The following THEM4 variants were observed in gnomAD, a reference collection of about 807,000 sequenced individuals.
THEM4 encodes the protein thioesterase superfamily member 4, also known as acyl-coenzyme A thioesterase THEM4.
A neutral mutation model predicts 25.0 loss-of-function variants in THEM4; 22 were observed. The observed-to-expected ratio is 0.88, with a 90% CI of 0.63 to 1.26. The LOEUF is 1.26. Ranked by LOEUF, THEM4 falls within the 50% of genes most tolerant of loss-of-function variation. THEM4 has a pLI of 0.00. For missense variants in THEM4, 286 were observed against 300.3 expected, an observed-to-expected ratio of 0.95 and a Z score of 0.35; for synonymous variants, 113 against 105.6, an observed-to-expected ratio of 1.07 and a Z score of -0.43.
intron 1 of THEM4, among the ~76,000 whole-genome samples, chr1:151,906,858 T>C (rs1169266702): frequency 1.3e-5 from 2 of 152,086 alleles, no homozygotes; most frequent in Non-Finnish European, 2.9e-5. Flanking sequence ...TCAGGGATTG[T>C]AAATGCACCA....
chr1:151,909,280 A>C lies in THEM4; in HGVS notation c.99+80T>G. ...CTGAGATTGGCTGGTTGGGGTATGG[A>C]TAACAATCGAAGGCTCTGTTACCGC... On this transcript the variant is annotated intron_variant, in intron 1 of 5. Coordinates refer to ENST00000368814, the MANE Select transcript of THEM4 (RefSeq NM_053055.5). 2.5e-6 allele frequency: 3 copies of C among 1,222,944 alleles called. No individual in the cohort carries two copies. In the Admixed American group the frequency reaches 7.2e-5, roughly 30 times the overall value. The allele number at this position is 1,222,944 out of a possible 1,614,324, so 75.8% of individuals were successfully genotyped here.
rs931973236 is a variant in THEM4, at chr1:151,872,957, G to A, written c.*1931C>T. On this transcript the variant is annotated 3_prime_UTR_variant, in exon 6 of 6. Transcript: ENST00000368814. ...TGTGCTGAGGGGGATTAGTAAAAGA[G>A]GAAGGCCTCTTGTGGTTGAGATGAG... Among the ~76,000 whole-genome samples, 1 of 152,124 alleles carries A rather than the reference G, an allele frequency of 6.6e-6. No homozygotes were observed. Among genetic ancestry groups the A allele is most frequent in the Non-Finnish European group, 1.5e-5 (1 of 68,024 alleles).
At chr1:151,894,965 A>AT in intron 2 of THEM4, 43 bp downstream of exon 2, 1 of 1,588,492 alleles carries the variant, frequency 6.3e-7, no homozygotes, top group Non-Finnish European at 8.6e-7. Flanking sequence ...TTAGCTTTAT[A>AT]TTTGATGCTC....
intron 4 of THEM4, among the ~76,000 whole-genome samples, chr1:151,884,186 G>A (rs899871237): frequency 2.6e-5 from 4 of 152,074 alleles, no homozygotes; most frequent in African/African-American, 9.7e-5. Context: ...TTATTAAAGT[G>A]ATGTGAGCTT....
At chr1:151,893,447 T>C (rs1321718326) in intron 2 of THEM4, among the ~76,000 whole-genome samples, 1 of 138,942 alleles carries the variant, frequency 7.2e-6, no homozygotes. Flanking sequence ...AGAGAGAGAC[T>C]GGGAAGAGAG....
chr1:151,896,673 T>C (rs190308793), intron 1 of THEM4, among the ~76,000 whole-genome samples: 1 of 152,212 alleles, frequency 6.6e-6, no homozygotes, highest in African/African-American at 2.4e-5. Flanking sequence ...CTCTGAGGGA[T>C]TTTAAATGGG....
chr1:151,895,912 T>C (rs1199612270), intron 1 of THEM4, among the ~76,000 whole-genome samples: 2 of 152,072 alleles, frequency 1.3e-5, no homozygotes, highest in African/African-American at 4.8e-5. Flanking sequence ...TGCCTTGCAC[T>C]CTTGCTCTTG....
intron 1 of THEM4, among the ~76,000 whole-genome samples, chr1:151,908,089 T>C (rs1338729860): frequency 6.6e-6 from 1 of 152,232 alleles, no homozygotes; most frequent in Non-Finnish European, 1.5e-5. Flanking sequence ...TGCATAGGAA[T>C]AAGAGGTTCT....
chr1:151,877,273 G>C (rs1263124883), intron 4 of THEM4, 148 bp from the exon 5 acceptor site: 3 of 780,606 alleles, frequency 3.8e-6, no homozygotes, highest in Middle Eastern at 2.5e-4. Flanking sequence ...ATTCCTCAAG[G>C]ACTCTGACAC....
intron 4 of THEM4, among the ~76,000 whole-genome samples, chr1:151,886,444 G>A (rs750166390): frequency 1.3e-5 from 2 of 151,986 alleles, no homozygotes; most frequent in Non-Finnish European, 2.9e-5. Flanking sequence ...TTTTAGGAAC[G>A]ATGTTATACT....
chr1:151,905,045 T>G (rs1395106822), intron 1 of THEM4, among the ~76,000 whole-genome samples: 1 of 152,208 alleles, frequency 6.6e-6, no homozygotes, highest in Non-Finnish European at 1.5e-5. Context: ...GTAGAAATGT[T>G]AGGGACAACG....
At chr1:151,885,083 TTTTATTTATTTATTTATTTATTTA>T (rs146473655) in intron 4 of THEM4, among the ~76,000 whole-genome samples, 91 of 145,624 alleles carry the variant, frequency 6.2e-4, no homozygotes, top group East Asian at 3.0e-3. Context: ...TGATTTCATC[TTTTATTTATTTATTTATTTATTTA>T]TTTATTTATT....
At chr1:151,882,054 C>T (rs1653832293) in intron 4 of THEM4, among the ~76,000 whole-genome samples, 1 of 151,506 alleles carries the variant, frequency 6.6e-6, no homozygotes, top group African/African-American at 2.4e-5. Flanking sequence ...TCTCTCTCTG[C>T]TAAACATAGA....
chr1:151,884,079 T>TAATA (rs146748985), intron 4 of THEM4, among the ~76,000 whole-genome samples: 37,884 of 144,074 alleles, frequency 0.26, 5,339 homozygotes, highest in South Asian at 0.47. Flanking sequence ...TGTCTCAAAA[T>TAATA]AATAAATAAA....
chr1:151,877,141 A>C lies in THEM4; in HGVS notation c.558-16T>G. 2 of 1,591,930 alleles carry C rather than the reference A, an allele frequency of 1.3e-6. No homozygotes were observed. The highest frequency in any genetic ancestry group is 1.2e-5 in the South Asian group (1 of 86,826). Reference sequence around the variant, plus strand: ...AGGGATAGGTCTGCAGAATAAAATGAAAAAGGAAAAAAATCAGTTTTTATC... The same window carrying C: ...AGGGATAGGTCTGCAGAATAAAATGCAAAAGGAAAAAAATCAGTTTTTATC... On this transcript the variant is annotated splice_polypyrimidine_tract_variant and intron_variant, in intron 4 of 5. Transcript: ENST00000368814.
At chr1:151,902,736 C>A (rs1317288993) in intron 1 of THEM4, among the ~76,000 whole-genome samples, 2 of 152,198 alleles carry the variant, frequency 1.3e-5, no homozygotes, top group African/African-American at 2.4e-5. Flanking sequence ...CCTGCAGTCC[C>A]AGAACTTTGG....
intron 2 of THEM4, among the ~76,000 whole-genome samples, chr1:151,894,611 T>C (rs1461521840): frequency 2.6e-5 from 4 of 152,178 alleles, no homozygotes; most frequent in Non-Finnish European, 5.9e-5. Context: ...CCTGGGGATT[T>C]AGATACTGGG....
intron 4 of THEM4, among the ~76,000 whole-genome samples, chr1:151,881,555 C>A (rs953890066): frequency 2.6e-5 from 4 of 152,138 alleles, no homozygotes; most frequent in East Asian, 1.9e-4. Context: ...CTTCATTTTG[C>A]GCTCATTTTT....
Position 151,877,106 on chromosome 1 carries a change from C to A in THEM4, c.577G>T (p.Val193Phe), listed in dbSNP as rs139349948. The A allele has an allele frequency of 2.8e-5, 45 of 1,612,250 alleles. No homozygotes were observed. The African/African-American group carries it at 5.6e-4, about 20-fold the overall frequency. ...NYKRPIPLCS[V>F]VMINSQLDKV... is the part of the protein sequence containing the mutation. ...TCAAGTTGGCTATTTATCATAACAA[C>A]AGAACAAAGAGGGATAGGTCTGCAG... Residue 193 changes from valine (V) to phenylalanine (F), a missense_variant, in exon 5 of 6, where the codon GTT becomes TTT. Transcript: ENST00000368814.
Sources: allele counts gnomAD v4.1 joint callset (sites outside exome capture counted in the v4.1 genomes callset), GRCh38; gene constraint gnomAD v4.1.1; transcripts MANE v1.5; gene names NCBI Gene and HGNC (gene_info 2026-07-23, HGNC 2026-07-21).